Variants in CCDC38 observed in about 807,000 individuals in gnomAD.
CCDC38 encodes the protein coiled-coil domain containing 38.
Under a neutral mutation model 72.8 loss-of-function variants are expected in CCDC38, and 69 were observed. The ratio of observed to expected loss-of-function variants is 0.95; its 90% CI spans 0.78 to 1.16. The LOEUF (loss-of-function observed/expected upper bound fraction) is 1.16, where lower values mean the gene tolerates loss of function less well. CCDC38 is among the 50% of genes most tolerant of loss of function. The probability of loss-of-function intolerance (pLI) is 0.00; values close to 1 mark genes in which losing one functional copy is unlikely to be tolerated. For synonymous variants in CCDC38, 201 were observed against 213.2 expected (o/e 0.94, Z 0.50); for missense variants, 626 against 638.9 (o/e 0.98, Z 0.22).
intron 13 of CCDC38, among the ~76,000 whole-genome samples, chr12:95,873,526 G>C (rs2079604041): frequency 4.6e-5 from 7 of 152,168 alleles, no homozygotes; most frequent in Admixed American, 4.6e-4. Context: ...TGTTGGTGGA[G>C]ATTCTTGAGG....
chr12:95,909,276 A>G (rs1351171681), intron 4 of CCDC38, among the ~76,000 whole-genome samples: 4 of 152,206 alleles, frequency 2.6e-5, no homozygotes, highest in African/African-American at 9.7e-5. Context: ...GAACACCTCT[A>G]TGAAAACAAA....
Position 95,890,932 on chromosome 12 carries a change from T to C in CCDC38, c.773-2A>G. The C allele has an allele frequency of 1.3e-6, 2 of 1,538,220 alleles. No individual in the cohort carries two copies. Among genetic ancestry groups the C allele is most frequent in the Non-Finnish European group, 8.9e-7 (1 of 1,117,790 alleles). ...TGTTACTTGAATGTAATGATAATTCTAGAAATGGCAAATGAAGAGGAGAGA... is the reference window on the plus strand; with the variant it reads ...TGTTACTTGAATGTAATGATAATTCCAGAAATGGCAAATGAAGAGGAGAGA... On this transcript the variant is annotated splice_acceptor_variant, in intron 8 of 15. Transcript: ENST00000344280. LOFTEE classifies it high-confidence loss of function.
intron 5 of CCDC38, among the ~76,000 whole-genome samples, chr12:95,899,758 T>C (rs1340685501): frequency 6.6e-6 from 1 of 152,238 alleles, no homozygotes; most frequent in Non-Finnish European, 1.5e-5. Context: ...CTTCATTCAT[T>C]ACTTTATTCC....
At chr12:95,914,608 C>G (rs1416897248) in intron 4 of CCDC38, among the ~76,000 whole-genome samples, 1 of 152,170 alleles carries the variant, frequency 6.6e-6, no homozygotes, top group African/African-American at 2.4e-5. Flanking sequence ...ACCATCACCC[C>G]TAACAAAATG....
intron 8 of CCDC38, among the ~76,000 whole-genome samples, chr12:95,892,102 T>TTTTTA (rs2079833633): frequency 7.4e-6 from 1 of 136,000 alleles, no homozygotes; most frequent in African/African-American, 3.1e-5. Context: ...TTTTTTTTTT[T>TTTTTA]GAGACGGAGT....
chr12:95,935,776 G>C (rs935854353), intron 2 of CCDC38, among the ~76,000 whole-genome samples: 1 of 152,098 alleles, frequency 6.6e-6, no homozygotes, highest in Admixed American at 6.5e-5. Context: ...TTCCTTGTAT[G>C]CTCATAAATA....
chr12:95,888,534 G>A lies in CCDC38; in HGVS notation c.872-28C>T, dbSNP rs200723139. 230 of 1,610,962 alleles carry A rather than the reference G, an allele frequency of 1.4e-4. 1 individual carries two copies. The highest frequency in any genetic ancestry group is 5.0e-4 in the Middle Eastern group (3 of 6,058). On this transcript the variant is annotated intron_variant, in intron 9 of 15. Transcript: ENST00000344280. ...GTTCAAAATGTCCAGGTGAGGCCATGCCGTTGGTGATGGTGGAGTGAAAAG... is the reference window on the plus strand; with the variant it reads ...GTTCAAAATGTCCAGGTGAGGCCATACCGTTGGTGATGGTGGAGTGAAAAG...
intron 2 of CCDC38, chr12:95,934,899 G>A (rs553831790): frequency 1.8e-4 from 28 of 152,150 alleles, no homozygotes; most frequent in African/African-American, 6.3e-4. Context: ...CCAGCTACCC[G>A]GAAGGCTGAG....
chr12:95,877,452 G>A (rs762501137), intron 13 of CCDC38, among the ~76,000 whole-genome samples: 5 of 152,146 alleles, frequency 3.3e-5, no homozygotes, highest in Non-Finnish European at 7.4e-5. Flanking sequence ...ATTGGGCCAC[G>A]AGAAATAGCA....
At chr12:95,891,920 T>C (rs2079831329) in intron 8 of CCDC38, among the ~76,000 whole-genome samples, 1 of 152,058 alleles carries the variant, frequency 6.6e-6, no homozygotes, top group Admixed American at 6.5e-5. Flanking sequence ...AATTTCTGTG[T>C]TGTAAATGCT....
At chr12:95,885,601 G>GTT (rs760625948) in intron 10 of CCDC38, 1 of 155,894 alleles carries the variant, frequency 6.4e-6, no homozygotes, top group Non-Finnish European at 1.4e-5. Context: ...ATTTCCAGTG[G>GTT]TTTGCTTTGT....
intron 2 of CCDC38, among the ~76,000 whole-genome samples, chr12:95,926,273 A>G (rs1331713085): frequency 2.6e-5 from 4 of 151,160 alleles, no homozygotes; most frequent in Non-Finnish European, 5.9e-5. Context: ...GTCTTGGGAG[A>G]GTGTATGTGT....
intron 4 of CCDC38, among the ~76,000 whole-genome samples, chr12:95,916,379 G>GCCTT (rs63210665): frequency 0.13 from 19,255 of 147,328 alleles, 1,395 homozygotes; most frequent in South Asian, 0.29. Context: ...TTGCCTGCCT[G>GCCTT]CCTTCCTTCC....
At chr12:95,915,427 A>G (rs73231441) in intron 4 of CCDC38, among the ~76,000 whole-genome samples, 14,363 of 152,210 alleles carry the variant, frequency 0.094, 1,114 homozygotes, top group African/African-American at 0.22. Flanking sequence ...TCGCTGTGCG[A>G]AGATGGAAAT....
chr12:95,890,942 A>G lies in CCDC38; in HGVS notation c.773-12T>C. Reference sequence around the variant, plus strand: ...ATGTAATGATAATTCTAGAAATGGCAAATGAAGAGGAGAGAGACAGAGAAA... The same window carrying G: ...ATGTAATGATAATTCTAGAAATGGCGAATGAAGAGGAGAGAGACAGAGAAA... On this transcript the variant is annotated splice_polypyrimidine_tract_variant and intron_variant, in intron 8 of 15. Transcript: ENST00000344280. 1 of 1,451,310 alleles carries G rather than the reference A, an allele frequency of 6.9e-7. No homozygotes were observed. Among genetic ancestry groups the G allele is most frequent in the Non-Finnish European group, 9.6e-7 (1 of 1,040,328 alleles). The allele number at this position is 1,451,310 out of a possible 1,614,324, so 89.9% of individuals were successfully genotyped here. A position where few individuals can be genotyped will look rare whatever the true frequency, so the allele number is the denominator to read the frequency against.
At chr12:95,920,282 C>A (rs970222389) in intron 2 of CCDC38, among the ~76,000 whole-genome samples, 6 of 152,162 alleles carry the variant, frequency 3.9e-5, no homozygotes, top group African/African-American at 1.4e-4. Flanking sequence ...TTCCCCTGCA[C>A]ACACTCTCTT....
At chr12:95,930,424 T>A (rs188987137) in intron 2 of CCDC38, among the ~76,000 whole-genome samples, 4 of 152,278 alleles carry the variant, frequency 2.6e-5, no homozygotes, top group African/African-American at 9.6e-5. Context: ...GTAGTGAAAT[T>A]CCTGGGATTC....
chr12:95,919,058 G>T, intron 2 of CCDC38, 82 bp from the exon 3 acceptor site: 1 of 868,066 alleles, frequency 1.2e-6, no homozygotes, highest in South Asian at 1.5e-5. Flanking sequence ...CACCAGCTAG[G>T]GTGGAATGAA....
intron 2 of CCDC38, among the ~76,000 whole-genome samples, chr12:95,928,455 A>G (rs1261690066): frequency 6.6e-6 from 1 of 152,104 alleles, no homozygotes; most frequent in Non-Finnish European, 1.5e-5. Context: ...CTTTTTTCAA[A>G]GTTTTCAACT....
Sources: allele counts gnomAD v4.1 joint callset (sites outside exome capture counted in the v4.1 genomes callset), GRCh38; gene constraint gnomAD v4.1.1; transcripts MANE v1.5; gene names NCBI Gene and HGNC (gene_info 2026-07-23, HGNC 2026-07-21).